The following GLIPR1L1 variants were observed in gnomAD, a reference collection of about 807,000 sequenced individuals.
GLIPR1L1 encodes GLIPR1 like 1.
In GLIPR1L1, 26 loss-of-function variants were observed where a neutral mutation model predicts 29.9. The ratio of observed to expected loss-of-function variants is 0.87; its 90% confidence interval spans 0.64 to 1.21. The LOEUF is 1.21. Ranked by LOEUF, GLIPR1L1 falls within the 50% of genes most tolerant of loss-of-function variation. GLIPR1L1 has a pLI of 0.00. For missense variants in GLIPR1L1, 305 were observed against 290.3 expected, an observed-to-expected ratio of 1.05 and a Z score of -0.37; for synonymous variants, 77 against 97.5, an observed-to-expected ratio of 0.79 and a Z score of 1.24.
At chr12:75,339,692 T>A (rs1181545451) in intron 1 of GLIPR1L1, among the ~76,000 whole-genome samples, 1 of 152,102 alleles carries the variant, frequency 6.6e-6, no homozygotes, top group African/African-American at 2.4e-5. Flanking sequence ...ATTGCCTAGA[T>A]TTTTCTTCTA....
At chr12:75,351,449 A>G (rs575321186) in intron 3 of GLIPR1L1, among the ~76,000 whole-genome samples, 92 of 152,332 alleles carry the variant, frequency 6.0e-4, no homozygotes, top group Non-Finnish European at 1.1e-3. Context: ...AGGCCAGGCC[A>G]CCTACAAAGG....
chr12:75,353,208 G>C (rs2042928710), intron 3 of GLIPR1L1, among the ~76,000 whole-genome samples: 1 of 152,094 alleles, frequency 6.6e-6, no homozygotes, highest in African/African-American at 2.4e-5. Flanking sequence ...GAATCCAGGA[G>C]CTGGCTTTTT....
At chr12:75,337,126 T>C (rs2041789250) in intron 1 of GLIPR1L1, among the ~76,000 whole-genome samples, 1 of 151,852 alleles carries the variant, frequency 6.6e-6, no homozygotes, top group Admixed American at 6.6e-5. Context: ...AGCATACGTA[T>C]AGATTTAAAT....
intron 3 of GLIPR1L1, among the ~76,000 whole-genome samples, chr12:75,350,094 C>CCACAG (rs1464427269): frequency 6.6e-6 from 1 of 152,202 alleles, no homozygotes; most frequent in African/African-American, 2.4e-5. Context: ...GAGAAATTCC[C>CCACAG]CACAGCACAG....
At chr12:75,361,849 A>G (rs1271736148) in intron 3 of GLIPR1L1, among the ~76,000 whole-genome samples, 1 of 152,162 alleles carries the variant, frequency 6.6e-6, no homozygotes, top group African/African-American at 2.4e-5. Flanking sequence ...TGGGAATTAC[A>G]ATTCAAGATG....
chr12:75,370,167 A>T lies in GLIPR1L1; in HGVS notation c.720A>T (p.Arg240Ser). The T allele has an allele frequency of 6.7e-7, 1 of 1,499,294 alleles. No individual in the cohort carries two copies. Among genetic ancestry groups the T allele is most frequent in the East Asian group, 2.3e-5 (1 of 44,238 alleles). 92.9% of individuals were successfully genotyped at this position (1,499,294 alleles called of 1,614,324 possible). Reference sequence around the variant, plus strand: ...TCAGCTTAGGTTTTCTTCTTCTGAGAATCTTTTAATGTCATTTATATACAA... The same window carrying T: ...TCAGCTTAGGTTTTCTTCTTCTGAGTATCTTTTAATGTCATTTATATACAA... ...NPFSLGFLLL[R>S]IF The change falls in exon 6 of 6, where the codon AGA becomes AGT. Residue 240 changes from arginine (R) to serine (S), a missense_variant. Transcript: ENST00000378695.
intron 1 of GLIPR1L1, among the ~76,000 whole-genome samples, chr12:75,338,876 T>A (rs971046620): frequency 6.6e-6 from 1 of 152,196 alleles, no homozygotes; most frequent in Non-Finnish European, 1.5e-5. Flanking sequence ...CCTGCATTAG[T>A]TTGCTGAGGA....
At chr12:75,356,249 T>A (rs1339683607) in intron 3 of GLIPR1L1, among the ~76,000 whole-genome samples, 6 of 152,094 alleles carry the variant, frequency 3.9e-5, no homozygotes, top group Non-Finnish European at 8.8e-5. Flanking sequence ...AAAATAAAAC[T>A]GTCAACTGAA....
intron 4 of GLIPR1L1, among the ~76,000 whole-genome samples, chr12:75,363,928 CAA>C (rs375314117): frequency 2.0e-4 from 30 of 152,060 alleles, no homozygotes; most frequent in African/African-American, 7.2e-4. Context: ...GCTTGCAAGT[CAA>C]AAGTCAAAGG....
chr12:75,339,928 C>T (rs543114486), intron 1 of GLIPR1L1, among the ~76,000 whole-genome samples: 48 of 152,224 alleles, frequency 3.2e-4, no homozygotes, highest in Admixed American at 4.6e-4. Context: ...CCACTCTTCC[C>T]CATGAGTCCC....
At chr12:75,343,977 T>C (rs763421295) in intron 2 of GLIPR1L1, 39 bp downstream of exon 2, 1 of 1,506,980 alleles carries the variant, frequency 6.6e-7, no homozygotes, top group Admixed American at 2.0e-5. Flanking sequence ...TTCTTATTTG[T>C]GCATATTTTA....
intron 2 of GLIPR1L1, among the ~76,000 whole-genome samples, chr12:75,345,937 T>C (rs2042414514): frequency 6.6e-6 from 1 of 152,198 alleles, no homozygotes; most frequent in Non-Finnish European, 1.5e-5. Context: ...GTTAAGTAAT[T>C]AGGAATGGTT....
intron 1 of GLIPR1L1, among the ~76,000 whole-genome samples, chr12:75,336,291 G>C (rs1395453291): frequency 6.6e-6 from 1 of 151,700 alleles, no homozygotes; most frequent in East Asian, 1.9e-4. Context: ...AGGAACAAAA[G>C]AACAAAGAGG....
chr12:75,367,950 G>C (rs1287364852), intron 4 of GLIPR1L1, among the ~76,000 whole-genome samples: 1 of 152,038 alleles, frequency 6.6e-6, no homozygotes. Context: ...TCATAGCCAG[G>C]TTATAAAAGT....
intron 2 of GLIPR1L1, among the ~76,000 whole-genome samples, chr12:75,346,884 CTTGAA>C (rs2042486270): frequency 2.6e-5 from 4 of 151,858 alleles, no homozygotes; most frequent in Admixed American, 2.6e-4. Context: ...GTCTAAATTC[CTTGAA>C]TTATTTTTCA....
intron 3 of GLIPR1L1, 81 bp downstream of exon 3, chr12:75,347,803 C>A: frequency 1.3e-6 from 1 of 747,182 alleles, no homozygotes; most frequent in Non-Finnish European, 2.2e-6. Flanking sequence ...TTATACTAGA[C>A]ACAAGTGTAT....
In GLIPR1L1 at chr12:75,347,564, G is replaced by A. The variant is rs532744115; in HGVS notation, c.421-58G>A. On this transcript the variant is annotated intron_variant, in intron 2 of 5. Coordinates refer to ENST00000378695, the MANE Select transcript of GLIPR1L1 (RefSeq NM_001304964.2). ...CAAAGATTATACCAATTCTCTAAAT[G>A]CATTGTTTGCATAGAATTGTTTTCC... The A allele has an allele frequency of 1.8e-4, 188 of 1,023,548 alleles. No individual in the cohort carries two copies. The African/African-American group carries it at 2.7e-3, about 15-fold the overall frequency. 63.4% of individuals were successfully genotyped at this position (1,023,548 alleles called of 1,614,324 possible). A position where few individuals can be genotyped will look rare whatever the true frequency, so the allele number is the denominator to read the frequency against.
At chr12:75,341,994 T>C (rs1042348126) in intron 1 of GLIPR1L1, among the ~76,000 whole-genome samples, 5 of 152,058 alleles carry the variant, frequency 3.3e-5, no homozygotes, top group Non-Finnish European at 7.4e-5. Flanking sequence ...CCACCCGCCT[T>C]GGCCTCCCAA....
At chr12:75,369,700 T>C (rs1227514600) in intron 4 of GLIPR1L1, 9 of 985,050 alleles carry the variant, frequency 9.1e-6, no homozygotes, top group Non-Finnish European at 8.4e-6. Context: ...AACTACTTTA[T>C]AGCTTTTTCT....
Sources: gnomAD v4.1 joint callset for allele counts (sites outside exome capture counted in the v4.1 genomes callset) on GRCh38, gnomAD v4.1.1 for gene constraint, MANE v1.5 for transcripts, NCBI Gene and HGNC (gene_info 2026-07-23, HGNC 2026-07-21) for gene names.